NMU: variants seen among roughly 807,000 people sequenced by gnomAD.
NMU encodes the protein neuromedin U.
A neutral mutation model predicts 35.4 loss-of-function variants in NMU; 29 were observed. The observed-to-expected ratio is 0.82, with a 90% CI of 0.61 to 1.12. NMU has a LOEUF of 1.12. NMU is among the 50% of genes most tolerant of loss of function. The probability of loss-of-function intolerance (pLI) is 0.00; values close to 1 mark genes in which losing one functional copy is unlikely to be tolerated. For missense variants in NMU, 199 were observed against 206.2 expected (o/e 0.97, Z 0.21); for synonymous variants, 78 against 81.3 (o/e 0.96, Z 0.22).
chr4:55,613,289 C>T (rs939192740), intron 3 of NMU, among the ~76,000 whole-genome samples: 1 of 151,982 alleles, frequency 6.6e-6, no homozygotes, highest in African/African-American at 2.4e-5. Context: ...GCACATTTAC[C>T]CCTGAACCTA....
intron 1 of NMU, among the ~76,000 whole-genome samples, chr4:55,633,186 A>G (rs577427887): frequency 7.2e-5 from 11 of 151,906 alleles, no homozygotes; most frequent in African/African-American, 1.4e-4. Context: ...TTAGCCGGGC[A>G]TGGTGGCGGG....
chr4:55,598,989 A>C (rs1733315554), intron 9 of NMU, among the ~76,000 whole-genome samples, 153 bp downstream of exon 9: 1 of 152,214 alleles, frequency 6.6e-6, no homozygotes, highest in African/African-American at 2.4e-5. Flanking sequence ...ATTTATATGG[A>C]ACATTCATGT....
chr4:55,634,296 T>G (rs1215268012), intron 1 of NMU, among the ~76,000 whole-genome samples: 4 of 152,098 alleles, frequency 2.6e-5, no homozygotes, highest in African/African-American at 9.7e-5. Flanking sequence ...ATAAAATTAG[T>G]TTTTTTAGTA....
intron 6 of NMU, among the ~76,000 whole-genome samples, chr4:55,606,346 T>A (rs562577622): frequency 1.3e-5 from 2 of 152,190 alleles, no homozygotes; most frequent in African/African-American, 4.8e-5. Context: ...TTAAAACCCA[T>A]GCATACAAAA....
chr4:55,608,223 T>G (rs775324865), intron 4 of NMU, among the ~76,000 whole-genome samples: 7 of 152,102 alleles, frequency 4.6e-5, no homozygotes, highest in Admixed American at 2.0e-4. Context: ...TTTTTTGTTG[T>G]TGTTCTTTCT....
In NMU at chr4:55,636,275, G is replaced by T. The variant is rs962222531; in HGVS notation, c.-83C>A. The T allele has an allele frequency of 4.4e-5, 62 of 1,400,098 alleles. No homozygotes were observed. Among genetic ancestry groups the T allele is most frequent in the Non-Finnish European group, 5.3e-5 (58 of 1,086,782 alleles). 86.7% of individuals were successfully genotyped at this position (1,400,098 alleles called of 1,614,324 possible). A position where few individuals can be genotyped will look rare whatever the true frequency, so the allele number is the denominator to read the frequency against. ...GTGCTCCACCTGGTGCCCTGGCTGT[G>T]CCTCGGGGCCCGGACACAGGACTGA... On this transcript the variant is annotated 5_prime_UTR_variant, in exon 1 of 10. Coordinates refer to ENST00000264218, the MANE Select transcript of NMU (RefSeq NM_006681.4). The surrounding 1 kb of genome is among the most constrained non-coding windows in gnomAD (Gnocchi z 4.0).
chr4:55,627,700 T>G (rs937754838), intron 2 of NMU, among the ~76,000 whole-genome samples: 3 of 152,196 alleles, frequency 2.0e-5, no homozygotes, highest in Non-Finnish European at 4.4e-5. Context: ...AAGAAATGTA[T>G]ATTGGTATTA....
intron 3 of NMU, among the ~76,000 whole-genome samples, chr4:55,613,131 A>G (rs1168579250): frequency 1.3e-5 from 2 of 152,158 alleles, no homozygotes; most frequent in Non-Finnish European, 2.9e-5. Context: ...AGAAGGAAAC[A>G]GTAGATACCG....
chr4:55,610,805 G>C (rs1733901371), intron 3 of NMU, among the ~76,000 whole-genome samples: 1 of 152,174 alleles, frequency 6.6e-6, no homozygotes. Flanking sequence ...CGTATACAAT[G>C]ATGGTCACAT....
chr4:55,626,507 C>G (rs112230764), intron 2 of NMU, among the ~76,000 whole-genome samples: 56 of 152,306 alleles, frequency 3.7e-4, no homozygotes, highest in African/African-American at 1.3e-3. Flanking sequence ...GAGTTTGAGA[C>G]CAGCCTGGCC....
chr4:55,632,632 G>A lies in NMU; in HGVS notation c.113-2172C>T, dbSNP rs191589599. 1.2e-4 allele frequency among the ~76,000 whole-genome samples: 19 copies of A among 152,320 alleles called. 1 individual carries two copies. The highest frequency in any genetic ancestry group is 4.6e-4 in the African/African-American group (19 of 41,570). On this transcript the variant is annotated intron_variant, in intron 1 of 9. Transcript: ENST00000264218. ...CTCATTGTTTTCAGGAAGGGATAAAGCTGTGCTTCTCAAATTTCCATATAA... is the reference window on the plus strand; with the variant it reads ...CTCATTGTTTTCAGGAAGGGATAAAACTGTGCTTCTCAAATTTCCATATAA...
rs1466693441 is a variant in NMU, at chr4:55,603,989, A to ATATATG, written c.435+1285_435+1286insCATATA. Among the ~76,000 whole-genome samples, 17 of 126,132 alleles carry ATATATG rather than the reference A, an allele frequency of 1.3e-4. No homozygotes were observed. In the East Asian group the frequency reaches 2.3e-3, roughly 17 times the overall value. 82.7% of individuals were successfully genotyped at this position (126,132 alleles called of 152,430 possible). A position where few individuals can be genotyped will look rare whatever the true frequency, so the allele number is the denominator to read the frequency against. ...TATACGTATATATGTATATATGTGT[A>ATATATG]TATATATACGTATATATGTATATAT... On this transcript the variant is annotated intron_variant, in intron 7 of 9. Coordinates refer to ENST00000264218, the MANE Select transcript of NMU (RefSeq NM_006681.4).
chr4:55,635,072 C>A (rs944303886), intron 1 of NMU, among the ~76,000 whole-genome samples: 1 of 152,178 alleles, frequency 6.6e-6, no homozygotes, highest in Non-Finnish European at 1.5e-5. Context: ...AACAATGACA[C>A]AACAGTCTGC....
At chr4:55,615,079 G>A (rs1734064955) in intron 3 of NMU, among the ~76,000 whole-genome samples, 1 of 152,214 alleles carries the variant, frequency 6.6e-6, no homozygotes, top group African/African-American at 2.4e-5. Flanking sequence ...GCCAAACTAT[G>A]TAGGGAGTAT....
intron 7 of NMU, among the ~76,000 whole-genome samples, chr4:55,603,939 A>ATGTATATAGGTGTATATATATACG: frequency 1.6e-5 from 1 of 63,850 alleles, no homozygotes; most frequent in Non-Finnish European, 3.0e-5. Context: ...ATATATATAT[A>ATGTATATAGGTGTATATATATACG]TATATATGTA....
At chr4:55,614,681 A>T (rs1193815265) in intron 3 of NMU, among the ~76,000 whole-genome samples, 1 of 152,268 alleles carries the variant, frequency 6.6e-6, no homozygotes. Context: ...AAAGAGGCAC[A>T]GTACTGAAAT....
At chr4:55,611,314 G>C (rs545653090) in intron 3 of NMU, among the ~76,000 whole-genome samples, 2 of 152,136 alleles carry the variant, frequency 1.3e-5, no homozygotes, top group Non-Finnish European at 2.9e-5. Flanking sequence ...AGTGAGCCAT[G>C]ATTATGCCAC....
At position 55,616,385 on chromosome 4, in the gene NMU, T is replaced by G. The variant is rs752762585; in HGVS notation, c.172A>C (p.Ile58Leu). 17 of 1,610,802 alleles carry G rather than the reference T, an allele frequency of 1.1e-5. No individual in the cohort carries two copies. The East Asian group carries it at 3.8e-4, about 36-fold the overall frequency. The change falls in exon 3 of 10, where the codon ATA becomes CTA. Residue 58 changes from isoleucine to leucine, a missense_variant and splice_region_variant. Ile to Leu is a conservative substitution (Grantham distance 5). Coordinates refer to ENST00000264218, the MANE Select transcript of NMU (RefSeq NM_006681.4). ...PEQQLQLWNE[I>L]DDTCSSFLSI... ...AGAAAAGACGAACAAGTATCATCTATCTGTAGAAAACAAAAATGTCAGTTA... is the reference window on the plus strand; with the variant it reads ...AGAAAAGACGAACAAGTATCATCTAGCTGTAGAAAACAAAAATGTCAGTTA...
intron 2 of NMU, among the ~76,000 whole-genome samples, chr4:55,624,665 T>A (rs111746309): frequency 0.042 from 16 of 384 alleles, 1 homozygote; most frequent in Non-Finnish European, 0.062. Context: ...ATCCCATTAC[T>A]GGGTATATAC....
Sources: allele counts gnomAD v4.1 joint callset (sites outside exome capture counted in the v4.1 genomes callset), GRCh38; gene constraint gnomAD v4.1.1; non-coding constraint Gnocchi (gnomAD v3.1); transcripts MANE v1.5; gene names NCBI Gene and HGNC (gene_info 2026-07-23, HGNC 2026-07-21).